Variants in GABRG1 observed in about 807,000 individuals in gnomAD.
The protein encoded by GABRG1 is gamma-aminobutyric acid type A receptor subunit gamma1.
Under a neutral mutation model 49.8 loss-of-function variants are expected in GABRG1, and 49 were observed. The ratio of observed to expected loss-of-function variants is 0.98; its 90% CI spans 0.78 to 1.25. GABRG1 has a LOEUF of 1.25. Ranked by LOEUF, GABRG1 falls within the 50% of genes most tolerant of loss-of-function variation. The pLI, the probability that GABRG1 is intolerant of heterozygous loss-of-function variation, is 0.00. For synonymous variants in GABRG1, 232 were observed against 185.1 expected (o/e 1.25, Z -2.06); for missense variants, 552 against 552.3 (o/e 1.00, Z 0.01).
chr4:46,112,233 A>T (rs976998480), intron 1 of GABRG1, among the ~76,000 whole-genome samples: 1 of 151,348 alleles, frequency 6.6e-6, no homozygotes, highest in African/African-American at 2.4e-5. Context: ...AAACATAGGG[A>T]ACATATTCCA....
Position 46,036,650 on chromosome 4 carries a change from C to T in GABRG1, c.*4338G>A, listed in dbSNP as rs1717537815. On this transcript the variant is annotated 3_prime_UTR_variant, in exon 9 of 9. Transcript: ENST00000295452. ...CTGCCACTTTTCTTTCTATTTGGGC[C>T]TATCATCCCCCATCTCCGCTGAAGA... 1.3e-5 allele frequency: 2 copies of T among 151,822 alleles called. No homozygotes were observed. Among genetic ancestry groups the T allele is most frequent in the Admixed American group, 6.6e-5 (1 of 15,202 alleles). The allele number at this position is 151,822 out of a possible 1,614,324, so 9.4% of individuals were successfully genotyped here. A position where few individuals can be genotyped will look rare whatever the true frequency, so the allele number is the denominator to read the frequency against.
intron 3 of GABRG1, among the ~76,000 whole-genome samples, chr4:46,082,808 T>C (rs1719624269): frequency 6.6e-6 from 1 of 151,784 alleles, no homozygotes; most frequent in East Asian, 1.9e-4. Flanking sequence ...ATGTCCCCTT[T>C]CTGTGCTTCT....
intron 3 of GABRG1, among the ~76,000 whole-genome samples, chr4:46,075,034 C>T (rs1195915671): frequency 6.6e-6 from 1 of 151,764 alleles, no homozygotes; most frequent in Non-Finnish European, 1.5e-5. Context: ...AGCTCTAAGA[C>T]TCTATGATCA....
intron 4 of GABRG1, 148 bp downstream of exon 4, chr4:46,065,216 A>G (rs1315294052): frequency 5.3e-6 from 3 of 561,440 alleles, no homozygotes; most frequent in Admixed American, 3.4e-5. Flanking sequence ...AAGTATTGCC[A>G]AAGTATTTCA....
intron 1 of GABRG1, among the ~76,000 whole-genome samples, chr4:46,116,117 T>C (rs11942023): frequency 0.12 from 18,726 of 150,856 alleles, 3,126 homozygotes; most frequent in African/African-American, 0.38. Context: ...TTTAGCAGGC[T>C]AACTTTGTTC....
chr4:46,078,921 A>G (rs1719458873), intron 3 of GABRG1, among the ~76,000 whole-genome samples: 1 of 151,986 alleles, frequency 6.6e-6, no homozygotes, highest in Non-Finnish European at 1.5e-5. Flanking sequence ...GTTAGTAATC[A>G]TAGCCTATCT....
At chr4:46,058,437 A>G (rs1252880291) in intron 6 of GABRG1, 48 bp downstream of exon 6, 2 of 1,597,034 alleles carry the variant, frequency 1.3e-6, no homozygotes, top group Admixed American at 3.5e-5. Context: ...TAAAATAAAA[A>G]TGTCATTTAA....
chr4:46,111,649 A>C (rs978344181), intron 1 of GABRG1, among the ~76,000 whole-genome samples: 1 of 151,466 alleles, frequency 6.6e-6, no homozygotes, highest in Admixed American at 6.6e-5. Context: ...ACAGACACAT[A>C]GGCAAATGGA....
intron 2 of GABRG1, among the ~76,000 whole-genome samples, chr4:46,094,525 G>T (rs1436293269): frequency 6.6e-6 from 1 of 151,910 alleles, no homozygotes; most frequent in East Asian, 1.9e-4. Flanking sequence ...GAACTAAGAG[G>T]AAAAGGATCT....
At chr4:46,120,565 TCTTTACTTAG>T in intron 1 of GABRG1, among the ~76,000 whole-genome samples, 1 of 151,876 alleles carries the variant, frequency 6.6e-6, no homozygotes, top group Non-Finnish European at 1.5e-5. Flanking sequence ...TCATGGAATA[TCTTTACTTAG>T]TCATTTGCTT....
At chr4:46,086,052 C>T (rs1719741401) in intron 2 of GABRG1, among the ~76,000 whole-genome samples, 1 of 151,522 alleles carries the variant, frequency 6.6e-6, no homozygotes, top group Admixed American at 6.6e-5. Flanking sequence ...AAACCATGTA[C>T]TGCCATGGCA....
chr4:46,083,850 G>T (rs1719660504), intron 3 of GABRG1, 136 bp downstream of exon 3: 3 of 654,764 alleles, frequency 4.6e-6, no homozygotes, highest in Non-Finnish European at 8.2e-6. Flanking sequence ...CCAATACCTG[G>T]CACAAAGTAA....
intron 8 of GABRG1, among the ~76,000 whole-genome samples, chr4:46,049,939 C>T (rs1028200993): frequency 3.3e-5 from 5 of 151,776 alleles, no homozygotes; most frequent in South Asian, 2.1e-4. Flanking sequence ...TTGTACATTG[C>T]CTGGCCTCTA....
Position 46,117,817 on chromosome 4 carries a change from TCTATATAC to T in GABRG1, c.104+5985_104+5992del, listed in dbSNP as rs1193749870. ...ATATATACATATGTATACATGTGTA[TCTATATAC>T]ATATATACATATGTATACATGTGTA... On this transcript the variant is annotated intron_variant, in intron 1 of 8. Coordinates refer to ENST00000295452, the MANE Select transcript of GABRG1 (RefSeq NM_173536.4). Among the ~76,000 whole-genome samples the T allele has an allele frequency of 2.0e-3, 223 of 110,884 alleles. 1 individual carries two copies. The highest frequency in any genetic ancestry group is 0.011 in the African/African-American group (215 of 19,480). The allele number at this position is 110,884 out of a possible 152,430, so 72.7% of individuals were successfully genotyped here.
At chr4:46,050,945 T>C (rs931006565) in intron 8 of GABRG1, among the ~76,000 whole-genome samples, 8 of 151,870 alleles carry the variant, frequency 5.3e-5, no homozygotes, top group Admixed American at 3.3e-4. Flanking sequence ...TTAGACTTGA[T>C]GTGATATAAG....
At chr4:46,085,315 T>C (rs932876879) in intron 2 of GABRG1, among the ~76,000 whole-genome samples, 19 of 151,592 alleles carry the variant, frequency 1.3e-4, no homozygotes, top group African/African-American at 4.1e-4. Flanking sequence ...GATAAACATA[T>C]ACATTAGAAA....
In GABRG1 at chr4:46,035,844, A is replaced by T. The variant is rs544328502; in HGVS notation, c.*5144T>A. ...GTTCTAAGGATCATGAGAGTAAAGA[A>T]CACTGAAAAATTGAGACACCTTTGC... On this transcript the variant is annotated 3_prime_UTR_variant, in exon 9 of 9. Transcript: ENST00000295452. 6.6e-6 allele frequency: 1 copy of T among 152,130 alleles called. No individual in the cohort carries two copies. The highest frequency in any genetic ancestry group is 2.1e-4 in the South Asian group (1 of 4,830). 9.4% of individuals were successfully genotyped at this position (152,130 alleles called of 1,614,324 possible).
chr4:46,109,448 CTTGT>C (rs1219576737), intron 1 of GABRG1, among the ~76,000 whole-genome samples: 1 of 150,734 alleles, frequency 6.6e-6, no homozygotes, highest in African/African-American at 2.4e-5. Flanking sequence ...GTCCATCAAT[CTTGT>C]TTATCATTTT....
intron 1 of GABRG1, among the ~76,000 whole-genome samples, chr4:46,122,445 C>CTA (rs1721115356): frequency 6.6e-6 from 1 of 151,504 alleles, no homozygotes; most frequent in African/African-American, 2.4e-5. Flanking sequence ...AAGAATAAGC[C>CTA]ATTACGACAC....
Sources: allele counts gnomAD v4.1 joint callset (sites outside exome capture counted in the v4.1 genomes callset), GRCh38; gene constraint gnomAD v4.1.1; transcripts MANE v1.5; gene names NCBI Gene and HGNC (gene_info 2026-07-23, HGNC 2026-07-21).